TANC2: variants seen among roughly 807,000 people sequenced by gnomAD.
TANC2 encodes tetratricopeptide repeat, ankyrin repeat and coiled-coil containing 2, also known as protein TANC2.
A neutral mutation model predicts 210.5 loss-of-function variants in TANC2; 26 were observed. The observed-to-expected ratio is 0.12, with a 90% confidence interval of 0.09 to 0.17. The LOEUF (loss-of-function observed/expected upper bound fraction) is 0.17, where lower values mean the gene tolerates loss of function less well. TANC2 is among the 10% of genes least tolerant of loss of function. TANC2 has a pLI of 1.00. For missense variants in TANC2, 2,129 were observed against 2,608.9 expected (o/e 0.82, Z 4.01); for synonymous variants, 931 against 967.1 (o/e 0.96, Z 0.69).
chr17:63,071,515 G>A (rs565707007), intron 2 of TANC2, among the ~76,000 whole-genome samples: 14 of 152,228 alleles, frequency 9.2e-5, no homozygotes, highest in African/African-American at 3.1e-4. Context: ...GACCTGGAGA[G>A]GGAGGGTTAT....
intron 8 of TANC2, among the ~76,000 whole-genome samples, chr17:63,252,331 T>G (rs1326020654): frequency 1.3e-5 from 2 of 152,104 alleles, no homozygotes; most frequent in Non-Finnish European, 2.9e-5. Flanking sequence ...GTAAATGGCA[T>G]AACCATCACC....
At chr17:62,994,296 C>T (rs2033005757) in intron 1 of TANC2, among the ~76,000 whole-genome samples, 1 of 151,808 alleles carries the variant, frequency 6.6e-6, no homozygotes, top group Admixed American at 6.6e-5. Context: ...ATTCTCCTGC[C>T]TCAGCCTCCT....
At chr17:63,008,424 A>G (rs966678355) in intron 1 of TANC2, among the ~76,000 whole-genome samples, 2 of 152,054 alleles carry the variant, frequency 1.3e-5, no homozygotes, top group African/African-American at 4.8e-5. Context: ...CCTGTGTCCC[A>G]CTTCATGTTT....
chr17:63,010,462 GT>G (rs762181388), intron 2 of TANC2, among the ~76,000 whole-genome samples: 253 of 141,792 alleles, frequency 1.8e-3, no homozygotes, highest in Middle Eastern at 7.5e-3. Flanking sequence ...AAATATGTGG[GT>G]TTTTTTTTTT....
intron 11 of TANC2, 111 bp from the exon 12 acceptor site, chr17:63,339,990 G>C: frequency 2.6e-6 from 2 of 768,830 alleles, no homozygotes; most frequent in Non-Finnish European, 4.3e-6. Flanking sequence ...AAAGTATTAT[G>C]TAATACTGAG....
At position 63,383,262 on chromosome 17, in the gene TANC2, C is replaced by CTGTCGAT. The variant is rs560909254; in HGVS notation, c.2691+3438_2691+3444dup. On this transcript the variant is annotated intron_variant, in intron 15 of 27. Coordinates refer to ENST00000689528, the Ensembl canonical transcript of TANC2. Reference sequence around the variant, plus strand: ...AGGGTCCACTCTGTGTTGTACAGCTCTGTCGATTTTGCCAAATGCATAATG... The same window carrying CTGTCGAT: ...AGGGTCCACTCTGTGTTGTACAGCTCTGTCGATTGTCGATTTTGCCAAATGCATAATG... Among the ~76,000 whole-genome samples the CTGTCGAT allele has an allele frequency of 1.3e-3, 198 of 152,314 alleles. 1 individual carries two copies. The highest frequency in any genetic ancestry group is 4.4e-3 in the African/African-American group (182 of 41,568).
intron 15 of TANC2, among the ~76,000 whole-genome samples, chr17:63,384,522 C>G (rs1309357332): frequency 6.6e-6 from 1 of 151,776 alleles, no homozygotes; most frequent in Non-Finnish European, 1.5e-5. Context: ...TGACTCTTAC[C>G]TACATTTAAT....
At chr17:63,242,976 A>G (rs1400426147) in intron 8 of TANC2, among the ~76,000 whole-genome samples, 2 of 152,186 alleles carry the variant, frequency 1.3e-5, no homozygotes, top group Admixed American at 1.3e-4. Context: ...GCGACCATCT[A>G]CAAGTACAGG....
rs539457090 is a variant in TANC2, at chr17:63,332,955, A to G, written c.1576-7146A>G. 2.4e-4 allele frequency among the ~76,000 whole-genome samples: 33 copies of G among 136,018 alleles called. No individual in the cohort carries two copies. In the East Asian group the frequency reaches 6.3e-3, roughly 26 times the overall value. The allele number at this position is 136,018 out of a possible 152,430, so 89.2% of individuals were successfully genotyped here. ...GTTTACTGATTATTTTAAGCCCACT[A>G]TTGAGATCTACACAGAAAAAAAGAT... is the stretch of plus-strand genomic sequence containing the variant. On this transcript the variant is annotated intron_variant, in intron 11 of 27. Coordinates refer to ENST00000689528, the Ensembl canonical transcript of TANC2.
At chr17:63,099,988 A>C (rs2037562045) in intron 4 of TANC2, among the ~76,000 whole-genome samples, 1 of 152,124 alleles carries the variant, frequency 6.6e-6, no homozygotes, top group Non-Finnish European at 1.5e-5. Context: ...TCAGGAAATA[A>C]ATTTTAATAT....
intron 5 of TANC2, among the ~76,000 whole-genome samples, chr17:63,176,563 T>G (rs368040272): frequency 5.3e-5 from 8 of 152,252 alleles, no homozygotes; most frequent in African/African-American, 1.9e-4. Context: ...CCCAGCACTT[T>G]GGGAGGCTGA....
intron 2 of TANC2, among the ~76,000 whole-genome samples, chr17:63,054,445 C>T (rs984123347): frequency 1.4e-4 from 22 of 152,218 alleles, no homozygotes; most frequent in Middle Eastern, 3.4e-3. Context: ...GATCTCGGCT[C>T]ACTGCAACCT....
chr17:63,327,128 C>T (rs1598859776), intron 11 of TANC2, among the ~76,000 whole-genome samples: 2 of 152,306 alleles, frequency 1.3e-5, no homozygotes, highest in Admixed American at 1.3e-4. Flanking sequence ...TGAAAAAATG[C>T]TCAGCATAAC....
intron 8 of TANC2, among the ~76,000 whole-genome samples, chr17:63,253,320 C>T (rs74675607): frequency 0.011 from 1,730 of 152,160 alleles, 21 homozygotes; most frequent in Non-Finnish European, 0.017. Flanking sequence ...TATTTGAGCT[C>T]CTTATACATT....
chr17:63,162,836 G>T (rs2040075655), intron 5 of TANC2, among the ~76,000 whole-genome samples: 1 of 152,038 alleles, frequency 6.6e-6, no homozygotes, highest in African/African-American at 2.4e-5. Flanking sequence ...TGTTCCGAGA[G>T]TGAATGGATT....
rs765761955 is a variant in TANC2 at position 63,420,880 on chromosome 17, A to G, written c.5150A>G (p.Tyr1717Cys). The G allele has an allele frequency of 1.2e-6, 2 of 1,614,046 alleles. No individual in the cohort carries two copies. Among genetic ancestry groups the G allele is most frequent in the Non-Finnish European group, 1.7e-6 (2 of 1,179,900 alleles). Reference sequence around the variant, plus strand: ...AGCACCGTCATCCCCACAGGAGCCTATGGCCAAGTAGCCCATTCAATGGCC... The same window carrying G: ...AGCACCGTCATCCCCACAGGAGCCTGTGGCCAAGTAGCCCATTCAATGGCC... Residue 1717 changes from tyrosine to cysteine, a missense_variant, in exon 28 of 28, where the codon TAT (tyrosine) becomes TGT (cysteine). Transcript: ENST00000689528. The surrounding 1 kb of genome is among the most constrained non-coding windows in gnomAD (Gnocchi z 4.2).
intron 2 of TANC2, among the ~76,000 whole-genome samples, chr17:63,031,150 G>A (rs1406962465): frequency 6.6e-6 from 1 of 152,074 alleles, no homozygotes; most frequent in Non-Finnish European, 1.5e-5. Context: ...TTCTATGATT[G>A]TTCTTGACCA....
At chr17:63,362,151 A>G (rs1017892341) in intron 14 of TANC2, among the ~76,000 whole-genome samples, 3 of 152,244 alleles carry the variant, frequency 2.0e-5, no homozygotes, top group South Asian at 2.1e-4. Context: ...GGTAGCTCCT[A>G]TCTACAGGCA....
At chr17:63,301,941 T>C (rs976089735) in intron 9 of TANC2, among the ~76,000 whole-genome samples, 1 of 152,252 alleles carries the variant, frequency 6.6e-6, no homozygotes, top group Non-Finnish European at 1.5e-5. Flanking sequence ...CTCTTAACAC[T>C]GCTTTTGCTG....
Sources: allele counts gnomAD v4.1 joint callset (sites outside exome capture counted in the v4.1 genomes callset), GRCh38; gene constraint gnomAD v4.1.1; non-coding constraint Gnocchi (gnomAD v3.1); transcripts MANE v1.5; gene names NCBI Gene and HGNC (gene_info 2026-07-23, HGNC 2026-07-21).